ABCA13: variants seen among roughly 807,000 people sequenced by gnomAD.
ABCA13 encodes ATP binding cassette subfamily A member 13.
A neutral mutation model predicts 478.7 loss-of-function variants in ABCA13; 476 were observed. The observed-to-expected ratio is 0.99, with a 90% CI of 0.92 to 1.07. The LOEUF (loss-of-function observed/expected upper bound fraction) is 1.07, where lower values mean the gene tolerates loss of function less well. ABCA13 is among the 50% of genes least tolerant of loss of function. The pLI is 0.00. For missense variants in ABCA13, 6,060 were observed against 5,910.6 expected (o/e 1.03, Z -0.83); for synonymous variants, 2,252 against 2,158.9 (o/e 1.04, Z -1.20).
At chr7:48,617,426 C>G (rs1446209524) in intron 59 of ABCA13, among the ~76,000 whole-genome samples, 2 of 152,146 alleles carry the variant, frequency 1.3e-5, no homozygotes, top group African/African-American at 4.8e-5. Context: ...AAGATTATGG[C>G]TGAATTTGGG....
At chr7:48,465,411 A>G (rs951551261) in intron 43 of ABCA13, among the ~76,000 whole-genome samples, 30 of 152,184 alleles carry the variant, frequency 2.0e-4, no homozygotes, top group Admixed American at 2.0e-3. Context: ...TTTAATGCTA[A>G]TAGCAATTCA....
In ABCA13 at chr7:48,274,157, A is replaced by G; in HGVS notation, c.4491A>G (p.Thr1497=). The G allele has an allele frequency of 6.2e-7, 1 of 1,610,260 alleles. No homozygotes were observed. Residue 1497 remains threonine, a synonymous_variant, in exon 17 of 62, where the codon ACA becomes ACG. Transcript: ENST00000435803. ...EILLALLNDS[T]KQVRMSINNL... ...TATTAGCTCTTTTAAATGATTCCAC[A>G]AAGCAAGTAAGGATGAGTATCAACA...
intron 55 of ABCA13, 58 bp downstream of exon 55, chr7:48,528,403 C>G: frequency 2.5e-6 from 3 of 1,210,340 alleles, no homozygotes; most frequent in South Asian, 2.1e-5. Flanking sequence ...CCAGAGAACC[C>G]CCAGCATTTT....
At chr7:48,381,877 C>T (rs934475996) in intron 35 of ABCA13, among the ~76,000 whole-genome samples, 5 of 152,222 alleles carry the variant, frequency 3.3e-5, no homozygotes, top group East Asian at 1.9e-4. Flanking sequence ...AGAGTGTGCA[C>T]GTAAAACAAA....
intron 27 of ABCA13, among the ~76,000 whole-genome samples, chr7:48,321,374 T>C (rs1025766065): frequency 3.3e-5 from 5 of 152,020 alleles, no homozygotes; most frequent in African/African-American, 1.2e-4. Context: ...AGGATGAAAG[T>C]AGAGGAAGCT....
intron 7 of ABCA13, 91 bp from the exon 8 acceptor site, chr7:48,233,927 A>C: frequency 2.1e-6 from 3 of 1,431,104 alleles, no homozygotes; most frequent in South Asian, 1.4e-5. Context: ...CTTCCTTTAG[A>C]GGTGAAAAAA....
chr7:48,538,590 G>T (rs1833753659), intron 55 of ABCA13, among the ~76,000 whole-genome samples: 1 of 152,080 alleles, frequency 6.6e-6, no homozygotes, highest in African/African-American at 2.4e-5. Context: ...CCCTGTTGAG[G>T]TTAACTCTTA....
At chr7:48,360,669 T>A (rs1810681589) in intron 31 of ABCA13, among the ~76,000 whole-genome samples, 1 of 152,052 alleles carries the variant, frequency 6.6e-6, no homozygotes, top group African/African-American at 2.4e-5. Flanking sequence ...GATGAGTCCC[T>A]CATTCTTTGT....
intron 58 of ABCA13, among the ~76,000 whole-genome samples, chr7:48,595,735 A>C (rs1184294587): frequency 6.6e-6 from 1 of 152,126 alleles, no homozygotes; most frequent in East Asian, 1.9e-4. Flanking sequence ...CTACCTTATA[A>C]CATCTGATAA....
chr7:48,273,782 A>T lies in ABCA13; in HGVS notation c.4116A>T (p.Leu1372Phe), dbSNP rs779416734. Residue 1372 changes from leucine (L) to phenylalanine (F), a missense_variant, in exon 17 of 62, where the codon TTA becomes TTT. Leu to Phe is a conservative substitution (Grantham distance 22). Transcript: ENST00000435803. ...ATGTAAATACCTCACAGAGGATGTTACGTATTCTAGACACGTTAAATTCCA... is the reference window on the plus strand; with the variant it reads ...ATGTAAATACCTCACAGAGGATGTTTCGTATTCTAGACACGTTAAATTCCA... ...FLYVNTSQRMLRILDTLNSTF... is the reference protein window; with the variant it reads ...FLYVNTSQRMFRILDTLNSTF... The T allele has an allele frequency of 7.9e-5, 127 of 1,611,108 alleles. No homozygotes were observed. Among genetic ancestry groups the T allele is most frequent in the South Asian group, 7.1e-4 (64 of 90,772 alleles).
At chr7:48,376,674 C>G in intron 35 of ABCA13, 102 bp downstream of exon 35, 11 of 1,306,882 alleles carry the variant, frequency 8.4e-6, no homozygotes, top group Non-Finnish European at 1.0e-5. Context: ...TAAGGAAGAT[C>G]CAGAAAGGGA....
At chr7:48,405,458 C>T (rs976121609) in intron 39 of ABCA13, among the ~76,000 whole-genome samples, 2 of 152,192 alleles carry the variant, frequency 1.3e-5, no homozygotes, top group Non-Finnish European at 2.9e-5. Flanking sequence ...TGGGGAAAGA[C>T]ATAGAAAGGG....
chr7:48,497,569 G>A (rs1830383897), intron 48 of ABCA13, among the ~76,000 whole-genome samples: 1 of 152,162 alleles, frequency 6.6e-6, no homozygotes, highest in South Asian at 2.1e-4. Context: ...GGAATCATAT[G>A]AGAGCCACCT....
intron 35 of ABCA13, among the ~76,000 whole-genome samples, chr7:48,384,155 T>C (rs1001899507): frequency 6.6e-6 from 1 of 152,242 alleles, no homozygotes; most frequent in Non-Finnish European, 1.5e-5. Context: ...CCACTTAAGC[T>C]GCGACTGAGT....
intron 35 of ABCA13, among the ~76,000 whole-genome samples, chr7:48,378,441 T>A (rs17661898): frequency 0.14 from 21,991 of 152,204 alleles, 1,739 homozygotes; most frequent in East Asian, 0.31. Context: ...GAGTTGGTAA[T>A]CTTTTGGAAG....
Position 48,274,047 on chromosome 7 carries a change from A to G in ABCA13, c.4381A>G (p.Ile1461Val), listed in dbSNP as rs747844873. 3.7e-6 allele frequency: 6 copies of G among 1,606,226 alleles called. No homozygotes were observed. In the Admixed American group the frequency reaches 5.0e-5, roughly 13 times the overall value. Residue 1461 changes from isoleucine (I) to valine (V), a missense_variant, in exon 17 of 62, where the codon ATT (isoleucine) becomes GTT (valine). Coordinates refer to ENST00000435803, the MANE Select transcript of ABCA13 (RefSeq NM_152701.5). ...TGGCTCACATATAAATTGTGTCAAT[A>G]TTTACTTGAAAGATGTAACTGACTT... ...SNGSHINCVNIYLKDVTDFLN... is the reference protein window; with the variant it reads ...SNGSHINCVNVYLKDVTDFLN...
chr7:48,482,959 T>C, intron 46 of ABCA13, 117 bp from the exon 47 acceptor site: 1 of 718,704 alleles, frequency 1.4e-6, no homozygotes. Context: ...CCACAGATGC[T>C]CAGTTGGCTA....
chr7:48,426,855 C>T (rs2129135319), intron 41 of ABCA13, among the ~76,000 whole-genome samples: 1 of 152,288 alleles, frequency 6.6e-6, no homozygotes, highest in East Asian at 1.9e-4. Flanking sequence ...ATCTACTGAA[C>T]TTTAAATACT....
chr7:48,614,168 C>T (rs984446205), intron 58 of ABCA13, among the ~76,000 whole-genome samples: 25 of 150,490 alleles, frequency 1.7e-4, no homozygotes, highest in African/African-American at 5.8e-4. Flanking sequence ...TCTTCCATGC[C>T]TCCTTCCATT....
Sources: allele counts gnomAD v4.1 joint callset (sites outside exome capture counted in the v4.1 genomes callset), GRCh38; gene constraint gnomAD v4.1.1; transcripts MANE v1.5; gene names NCBI Gene and HGNC (gene_info 2026-07-23, HGNC 2026-07-21).